Variants in DENND1A observed in about 807,000 individuals in gnomAD.
DENND1A encodes the protein DENN domain-containing protein 1A.
A neutral mutation model predicts 113.7 loss-of-function variants in DENND1A; 51 were observed. The ratio of observed to expected loss-of-function variants is 0.45; its 90% confidence interval spans 0.36 to 0.57. The LOEUF (loss-of-function observed/expected upper bound fraction) is 0.57, where lower values mean the gene tolerates loss of function less well. Among genes scored for constraint, DENND1A ranks in the 20% least tolerant of loss-of-function variants. The pLI, the probability that DENND1A is intolerant of heterozygous loss-of-function variation, is 0.00. For missense variants in DENND1A, 1,258 were observed against 1,395.9 expected, an observed-to-expected ratio of 0.90 and a Z score of 1.57; for synonymous variants, 565 against 570.8, an observed-to-expected ratio of 0.99 and a Z score of 0.14.
intron 2 of DENND1A, among the ~76,000 whole-genome samples, chr9:123,875,863 G>A (rs1288026328): frequency 6.6e-6 from 1 of 152,172 alleles, no homozygotes; most frequent in Non-Finnish European, 1.5e-5. Context: ...CACTGGTAGA[G>A]GAGGGACAAA....
chr9:123,766,174 T>C (rs1589994628), intron 4 of DENND1A, among the ~76,000 whole-genome samples: 1 of 152,072 alleles, frequency 6.6e-6, no homozygotes, highest in African/African-American at 2.4e-5. Flanking sequence ...GCTGATGGGG[T>C]GTTAGGCTCT....
intron 5 of DENND1A, among the ~76,000 whole-genome samples, chr9:123,741,133 T>C (rs1031199028): frequency 2.6e-5 from 4 of 152,200 alleles, no homozygotes; most frequent in South Asian, 2.1e-4. Context: ...CCTAGGCCAA[T>C]GTGACATTCC....
intron 18 of DENND1A, among the ~76,000 whole-genome samples, chr9:123,445,337 C>T (rs982128829): frequency 3.3e-5 from 5 of 152,242 alleles, no homozygotes; most frequent in African/African-American, 1.2e-4. Context: ...GGGCCTGCTG[C>T]GGCCCAGCGG....
chr9:123,695,328 T>C (rs1430509156), intron 5 of DENND1A, among the ~76,000 whole-genome samples: 2 of 152,184 alleles, frequency 1.3e-5, no homozygotes, highest in Non-Finnish European at 2.9e-5. Context: ...CTAAATATTA[T>C]TGAAATTATA....
chr9:123,819,571 G>A (rs185855425), intron 2 of DENND1A, among the ~76,000 whole-genome samples: 8 of 152,102 alleles, frequency 5.3e-5, no homozygotes, highest in Non-Finnish European at 1.2e-4. Context: ...TTGCCCAGGT[G>A]GGGGTTCAGT....
At chr9:123,460,490 G>A (rs2048441636) in intron 13 of DENND1A, among the ~76,000 whole-genome samples, 1 of 152,196 alleles carries the variant, frequency 6.6e-6, no homozygotes, top group Non-Finnish European at 1.5e-5. Flanking sequence ...CTGATGGCCT[G>A]CTGGCGTCTC....
chr9:123,828,143 G>A (rs556553328), intron 2 of DENND1A, among the ~76,000 whole-genome samples: 6 of 151,998 alleles, frequency 3.9e-5, no homozygotes, highest in African/African-American at 9.6e-5. Flanking sequence ...AAAGAAAGAC[G>A]TGGAAGGGAG....
chr9:123,686,791 G>A (rs987605875), intron 5 of DENND1A, among the ~76,000 whole-genome samples: 4 of 152,104 alleles, frequency 2.6e-5, no homozygotes, highest in African/African-American at 9.7e-5. Context: ...AACAGACTGT[G>A]TTGCCTTTTT....
At chr9:123,600,076 G>T (rs1641334890) in intron 11 of DENND1A, among the ~76,000 whole-genome samples, 1 of 152,146 alleles carries the variant, frequency 6.6e-6, no homozygotes, top group Non-Finnish European at 1.5e-5. Flanking sequence ...TCACTTGCAA[G>T]GAGTTTATGA....
chr9:123,757,398 C>T (rs971252216), intron 5 of DENND1A, among the ~76,000 whole-genome samples: 2 of 152,208 alleles, frequency 1.3e-5, no homozygotes, highest in African/African-American at 4.8e-5. Flanking sequence ...AGGCTAATTT[C>T]TGACAGCTCC....
chr9:123,747,693 A>G (rs1218873564), intron 5 of DENND1A, among the ~76,000 whole-genome samples: 7 of 152,218 alleles, frequency 4.6e-5, no homozygotes, highest in Admixed American at 6.5e-5. Context: ...TTAGAATGCA[A>G]TATATTCTAA....
chr9:123,451,077 C>T (rs563589676), intron 17 of DENND1A, among the ~76,000 whole-genome samples: 6 of 152,202 alleles, frequency 3.9e-5, no homozygotes, highest in African/African-American at 4.8e-5. Context: ...GTACGGCAGC[C>T]GTATTTCTGG....
intron 5 of DENND1A, among the ~76,000 whole-genome samples, chr9:123,711,692 C>A (rs2066646304): frequency 6.6e-6 from 1 of 151,744 alleles, no homozygotes; most frequent in Non-Finnish European, 1.5e-5. Flanking sequence ...ATTCTGACCT[C>A]CTTCTTTACT....
chr9:123,471,348 T>G (rs2049405345), intron 13 of DENND1A, among the ~76,000 whole-genome samples: 1 of 152,046 alleles, frequency 6.6e-6, no homozygotes. Flanking sequence ...GGATTGACAA[T>G]CGAGGCATGG....
intron 3 of DENND1A, among the ~76,000 whole-genome samples, chr9:123,781,915 CA>C: frequency 6.6e-6 from 1 of 151,994 alleles, no homozygotes; most frequent in South Asian, 2.1e-4. Flanking sequence ...ACTAAAAATT[CA>C]AAAATTAGCC....
chr9:123,744,656 T>C (rs997172936), intron 5 of DENND1A, among the ~76,000 whole-genome samples: 6 of 152,202 alleles, frequency 3.9e-5, no homozygotes, highest in Non-Finnish European at 8.8e-5. Context: ...GTCACATGTA[T>C]GCCCACATAC....
chr9:123,837,493 A>C lies in DENND1A; in HGVS notation c.88+41458T>G, dbSNP rs139464687. 5.2e-4 allele frequency among the ~76,000 whole-genome samples: 79 copies of C among 152,322 alleles called. 1 individual carries two copies. The East Asian group carries it at 0.014, about 28-fold the overall frequency. ...ATATGTAGTTTTTCTGAAAACTGAA[A>C]AACCAAACTATTTTAAAATTACTGT... On this transcript the variant is annotated intron_variant, in intron 2 of 23. Coordinates refer to ENST00000394215, the MANE Select transcript of DENND1A (RefSeq NM_001352964.2).
chr9:123,517,286 C>A (rs974042342), intron 13 of DENND1A, among the ~76,000 whole-genome samples: 8 of 150,192 alleles, frequency 5.3e-5, no homozygotes, highest in African/African-American at 2.0e-4. Context: ...CACAAAACCC[C>A]CCCCAAAAAA....
intron 13 of DENND1A, among the ~76,000 whole-genome samples, chr9:123,541,273 C>T (rs1232821245): frequency 1.3e-5 from 2 of 152,168 alleles, no homozygotes; most frequent in Admixed American, 6.5e-5. Flanking sequence ...ATACTGTGTA[C>T]ATTTAACCAA....
Sources: allele counts gnomAD v4.1 joint callset (sites outside exome capture counted in the v4.1 genomes callset), GRCh38; gene constraint gnomAD v4.1.1; transcripts MANE v1.5; gene names NCBI Gene and HGNC (gene_info 2026-07-23, HGNC 2026-07-21).